Variants in PPP2R5E observed in about 807,000 individuals in gnomAD.
The protein encoded by PPP2R5E is serine/threonine-protein phosphatase 2A 56 kDa regulatory subunit epsilon isoform.
PPP2R5E carries 4 observed loss-of-function variants against 65.3 expected under a neutral mutation model. The observed-to-expected ratio is 0.06, with a 90% CI of 0.03 to 0.14. The LOEUF (loss-of-function observed/expected upper bound fraction) is 0.14. Among genes scored for constraint, PPP2R5E ranks in the 10% least tolerant of loss-of-function variants. PPP2R5E has a pLI of 1.00. For synonymous variants in PPP2R5E, 183 were observed against 187.4 expected (o/e 0.98, Z 0.19); for missense variants, 274 against 556.1 (o/e 0.49, Z 5.10).
intron 2 of PPP2R5E, among the ~76,000 whole-genome samples, chr14:63,479,066 T>C (rs1481143673): frequency 2.0e-5 from 3 of 151,824 alleles, no homozygotes; most frequent in African/African-American, 4.8e-5. Flanking sequence ...GAGAAGGAGG[T>C]TGCAGTGAGC....
intron 2 of PPP2R5E, among the ~76,000 whole-genome samples, chr14:63,490,962 A>T (rs57530734): frequency 0.023 from 3,568 of 152,186 alleles, 139 homozygotes; most frequent in African/African-American, 0.082. Flanking sequence ...CACTATTCAC[A>T]ATAGGAAAGA....
chr14:63,427,624 AAAAG>A (rs1440435216), intron 3 of PPP2R5E, among the ~76,000 whole-genome samples: 1 of 152,208 alleles, frequency 6.6e-6, no homozygotes, highest in South Asian at 2.1e-4. Context: ...CTCTATTAAA[AAAAG>A]AAAGAAAGAA....
intron 2 of PPP2R5E, among the ~76,000 whole-genome samples, chr14:63,483,156 T>TA (rs1234858913): frequency 1.3e-5 from 2 of 151,720 alleles, no homozygotes; most frequent in South Asian, 2.1e-4. Context: ...AAAATATAAA[T>TA]AAAATTTTTT....
rs143676418 is a variant in PPP2R5E, at chr14:63,468,410, T to C, written c.158-14525A>G. ...CCAGTGAAATAACTTCAAAATAAAG[T>C]TGTAACTTGATTAGAGGAAAGGTAA... On this transcript the variant is annotated intron_variant, in intron 2 of 13. Coordinates refer to ENST00000337537, the MANE Select transcript of PPP2R5E (RefSeq NM_006246.5). 2.6e-4 allele frequency among the ~76,000 whole-genome samples: 40 copies of C among 152,320 alleles called. No homozygotes were observed. The East Asian group carries it at 6.7e-3, about 26-fold the overall frequency.
At chr14:63,377,123 T>A (rs1343010105) in intron 13 of PPP2R5E, among the ~76,000 whole-genome samples, 1 of 150,576 alleles carries the variant, frequency 6.6e-6, no homozygotes, top group Non-Finnish European at 1.5e-5. Context: ...CACTCCAGTC[T>A]GGGGGACAGA....
chr14:63,463,813 G>T (rs1403876648), intron 2 of PPP2R5E, among the ~76,000 whole-genome samples: 1 of 151,952 alleles, frequency 6.6e-6, no homozygotes, highest in Non-Finnish European at 1.5e-5. Context: ...CGCCAGGATG[G>T]TCTGGATCTC....
At chr14:63,475,161 G>T (rs942095818) in intron 2 of PPP2R5E, among the ~76,000 whole-genome samples, 3 of 152,174 alleles carry the variant, frequency 2.0e-5, no homozygotes, top group African/African-American at 7.2e-5. Flanking sequence ...TTTTTCTTGG[G>T]TCTTTCAGCA....
At chr14:63,470,066 C>A (rs1479213467) in intron 2 of PPP2R5E, among the ~76,000 whole-genome samples, 11 of 128,288 alleles carry the variant, frequency 8.6e-5, no homozygotes, top group Non-Finnish European at 1.5e-4. Context: ...CATCTCCTAC[C>A]TCCCCACACC....
At chr14:63,467,243 C>A (rs55974507) in intron 2 of PPP2R5E, among the ~76,000 whole-genome samples, 27,932 of 117,266 alleles carry the variant, frequency 0.24, 6,067 homozygotes, top group African/African-American at 0.59. Flanking sequence ...AACAAACAAA[C>A]AAAAAAAACA....
intron 2 of PPP2R5E, among the ~76,000 whole-genome samples, chr14:63,496,257 C>G (rs1891561729): frequency 6.6e-6 from 1 of 151,930 alleles, no homozygotes; most frequent in African/African-American, 2.4e-5. Flanking sequence ...AATCCCAGCA[C>G]TTTGGGAGGC....
chr14:63,540,430 CAA>C (rs202037803), intron 1 of PPP2R5E, among the ~76,000 whole-genome samples: 21,931 of 73,500 alleles, frequency 0.3, 2,339 homozygotes, highest in African/African-American at 0.45. Context: ...GAGTCCATCT[CAA>C]AAAAAAAAAA....
intron 2 of PPP2R5E, among the ~76,000 whole-genome samples, chr14:63,504,493 A>G (rs955584166): frequency 3.3e-5 from 5 of 152,110 alleles, no homozygotes; most frequent in African/African-American, 1.2e-4. Flanking sequence ...GAGGCAGGAA[A>G]ATGGCTTGAA....
At chr14:63,521,962 C>CCCTCT (rs1555368633) in intron 2 of PPP2R5E, among the ~76,000 whole-genome samples, 2 of 131,908 alleles carry the variant, frequency 1.5e-5, no homozygotes, top group African/African-American at 6.4e-5. Flanking sequence ...CCTCCCCCTC[C>CCCTCT]CCCTCTCCCC....
At chr14:63,456,113 G>A (rs1241450229) in intron 2 of PPP2R5E, among the ~76,000 whole-genome samples, 4 of 152,120 alleles carry the variant, frequency 2.6e-5, no homozygotes, top group Non-Finnish European at 1.5e-5. Flanking sequence ...AAAATCTTTA[G>A]GGAAATTTTA....
chr14:63,525,527 G>C (rs537243751), intron 2 of PPP2R5E, among the ~76,000 whole-genome samples: 1 of 152,326 alleles, frequency 6.6e-6, no homozygotes, highest in Non-Finnish European at 1.5e-5. Context: ...TCTCCACTCT[G>C]AGTGAGAAAA....
chr14:63,505,920 C>T (rs1414946792), intron 2 of PPP2R5E, among the ~76,000 whole-genome samples: 1 of 152,002 alleles, frequency 6.6e-6, no homozygotes, highest in Non-Finnish European at 1.5e-5. Flanking sequence ...TATATACACC[C>T]TAGGTATCCA....
rs371668252 is a variant in PPP2R5E at position 63,496,067 on chromosome 14, TTAAG to T, written c.158-42186_158-42183del. ...CAATTTGCACTGTTCATTTTACATA[TTAAG>T]TGTTGAAGATTTTTTTTGTTAAATA... On this transcript the variant is annotated intron_variant, in intron 2 of 13. Transcript: ENST00000337537. 1.2e-4 allele frequency among the ~76,000 whole-genome samples: 18 copies of T among 152,322 alleles called. No individual in the cohort carries two copies. In the East Asian group the frequency reaches 3.5e-3, roughly 29 times the overall value.
intron 5 of PPP2R5E, among the ~76,000 whole-genome samples, chr14:63,410,466 A>G (rs1235892108): frequency 6.6e-6 from 1 of 152,126 alleles, no homozygotes; most frequent in African/African-American, 2.4e-5. Flanking sequence ...TCACAGTGGG[A>G]AAGAGGAGGA....
intron 3 of PPP2R5E, among the ~76,000 whole-genome samples, chr14:63,431,338 A>G (rs936137629): frequency 6.6e-6 from 1 of 152,126 alleles, no homozygotes; most frequent in African/African-American, 2.4e-5. Flanking sequence ...CAGTTTGACA[A>G]TTTCCTAGAA....
Sources: gnomAD v4.1 joint callset for allele counts (sites outside exome capture counted in the v4.1 genomes callset) on GRCh38, gnomAD v4.1.1 for gene constraint, MANE v1.5 for transcripts, NCBI Gene and HGNC (gene_info 2026-07-23, HGNC 2026-07-21) for gene names.